Variants in PKP4 observed in about 807,000 individuals in gnomAD.
The protein encoded by PKP4 is plakophilin-4.
In PKP4, 90 loss-of-function variants were observed where a neutral mutation model predicts 145.1. That is an observed-to-expected ratio of 0.62 (90% CI 0.52 to 0.74). The LOEUF (loss-of-function observed/expected upper bound fraction) is 0.74, where lower values mean the gene tolerates loss of function less well. PKP4 is among the 30% of genes least tolerant of loss of function. The pLI, the probability that PKP4 is intolerant of heterozygous loss-of-function variation, is 0.00. For synonymous variants in PKP4, 563 were observed against 577.2 expected, an observed-to-expected ratio of 0.98 and a Z score of 0.35; for missense variants, 1,340 against 1,482.7, an observed-to-expected ratio of 0.90 and a Z score of 1.58.
At chr2:158,525,598 T>G (rs898732355) in intron 1 of PKP4, among the ~76,000 whole-genome samples, 1 of 69,552 alleles carries the variant, frequency 1.4e-5, no homozygotes, top group African/African-American at 6.3e-5. Flanking sequence ...GCAAACACAT[T>G]CAAAAGCTAG....
intron 1 of PKP4, among the ~76,000 whole-genome samples, chr2:158,495,350 TAAAA>T (rs60436493): frequency 7.2e-6 from 1 of 139,496 alleles, no homozygotes; most frequent in African/African-American, 2.6e-5. Context: ...TCTGGAGAGT[TAAAA>T]AAAAAAAAAA....
At chr2:158,597,118 A>G (rs1004421404) in intron 3 of PKP4, among the ~76,000 whole-genome samples, 17 of 152,198 alleles carry the variant, frequency 1.1e-4, no homozygotes, top group Admixed American at 6.5e-5. Flanking sequence ...CTCTTGTAGA[A>G]TGCTCTTCTC....
intron 1 of PKP4, among the ~76,000 whole-genome samples, chr2:158,492,208 G>A (rs753377464): frequency 1.3e-5 from 2 of 151,796 alleles, no homozygotes; most frequent in Non-Finnish European, 2.9e-5. Flanking sequence ...AAATCTAATG[G>A]CCTCAGTTGC....
intron 21 of PKP4, among the ~76,000 whole-genome samples, chr2:158,679,610 G>C (rs772926902): frequency 6.6e-6 from 1 of 152,176 alleles, no homozygotes; most frequent in African/African-American, 2.4e-5. Flanking sequence ...GCATAATCAA[G>C]AACATAGACA....
At chr2:158,623,084 T>C (rs1041010434) in intron 6 of PKP4, among the ~76,000 whole-genome samples, 2 of 152,204 alleles carry the variant, frequency 1.3e-5, no homozygotes, top group Non-Finnish European at 2.9e-5. Flanking sequence ...CTGGACCAAC[T>C]TATCACTTCA....
intron 1 of PKP4, among the ~76,000 whole-genome samples, chr2:158,530,494 CTCTTTCTT>C (rs1388939917): frequency 1.5e-5 from 2 of 129,334 alleles, no homozygotes; most frequent in East Asian, 2.4e-4. Flanking sequence ...GATAGAAGTA[CTCTTTCTT>C]TCTTTTTTTT....
At chr2:158,638,645 G>T (rs2054011095) in intron 9 of PKP4, among the ~76,000 whole-genome samples, 2 of 152,146 alleles carry the variant, frequency 1.3e-5, no homozygotes, top group South Asian at 2.1e-4. Context: ...GGGTGCAGGT[G>T]GGGTGAGGGG....
intron 1 of PKP4, among the ~76,000 whole-genome samples, chr2:158,528,924 C>T (rs1328606014): frequency 1.3e-5 from 2 of 152,184 alleles, no homozygotes; most frequent in African/African-American, 2.4e-5. Context: ...AGACAACATT[C>T]TGAAAACTCC....
intron 9 of PKP4, 77 bp downstream of exon 9, chr2:158,634,366 A>T (rs1270873126): frequency 8.6e-6 from 9 of 1,048,604 alleles, no homozygotes. Flanking sequence ...GACTTTTTTA[A>T]GTTGCTAAGT....
intron 4 of PKP4, among the ~76,000 whole-genome samples, chr2:158,609,430 A>G (rs1172923605): frequency 6.6e-6 from 1 of 152,202 alleles, no homozygotes; most frequent in Non-Finnish European, 1.5e-5. Flanking sequence ...CCTATACAAA[A>G]TTTCACAAAA....
chr2:158,557,327 G>A (rs1350912901), intron 2 of PKP4, among the ~76,000 whole-genome samples: 2 of 152,076 alleles, frequency 1.3e-5, no homozygotes, highest in Admixed American at 6.5e-5. Context: ...AAACACAGGA[G>A]GAAATGTAAG....
intron 1 of PKP4, among the ~76,000 whole-genome samples, chr2:158,506,624 C>G (rs1040385944): frequency 6.6e-6 from 1 of 152,136 alleles, no homozygotes; most frequent in African/African-American, 2.4e-5. Flanking sequence ...AAATACTGTT[C>G]TGTTATTTTT....
At chr2:158,560,111 CCCT>C (rs751438934) in intron 2 of PKP4, among the ~76,000 whole-genome samples, 1 of 152,158 alleles carries the variant, frequency 6.6e-6, no homozygotes, top group Non-Finnish European at 1.5e-5. Context: ...AAGTGATCTG[CCCT>C]CCTCAGCCTC....
intron 2 of PKP4, among the ~76,000 whole-genome samples, chr2:158,538,111 C>T (rs931146562): frequency 5.3e-5 from 8 of 152,288 alleles, no homozygotes; most frequent in Admixed American, 5.2e-4. Flanking sequence ...TTGAAATGCA[C>T]AGCACACCCT....
chr2:158,572,185 G>C (rs1264593569), intron 2 of PKP4, among the ~76,000 whole-genome samples: 1 of 152,126 alleles, frequency 6.6e-6, no homozygotes, highest in African/African-American at 2.4e-5. Flanking sequence ...AAAAAGTTCA[G>C]TAGATGAGAT....
chr2:158,478,363 A>G lies in PKP4; in HGVS notation c.-6+21145A>G, dbSNP rs74426381. Among the ~76,000 whole-genome samples, 880 of 151,890 alleles carry G rather than the reference A, an allele frequency of 5.8e-3. 12 individuals carry two copies. The highest frequency in any genetic ancestry group is 0.02 in the African/African-American group (840 of 41,412). On this transcript the variant is annotated intron_variant, in intron 1 of 21. Transcript: ENST00000389759. ...AAGCAGATGACGTGCTGTGGTTTTG[A>G]TTTTCATAGTAAATCCTTTAGACTA...
chr2:158,615,177 T>G (rs1305838279), intron 4 of PKP4, among the ~76,000 whole-genome samples: 3 of 152,110 alleles, frequency 2.0e-5, no homozygotes, highest in Non-Finnish European at 4.4e-5. Context: ...CTGACAGATA[T>G]TCCCATTTCT....
intron 4 of PKP4, among the ~76,000 whole-genome samples, chr2:158,613,593 C>T (rs2051326811): frequency 6.6e-6 from 1 of 152,154 alleles, no homozygotes; most frequent in South Asian, 2.1e-4. Flanking sequence ...TAAAATTCCA[C>T]CCAATTTTCA....
chr2:158,643,721 AAAAAAAAG>A (rs1377720016), intron 11 of PKP4, among the ~76,000 whole-genome samples: 1,350 of 124,020 alleles, frequency 0.011, 16 homozygotes, highest in Non-Finnish European at 0.018. Context: ...TCAAAAAAAA[AAAAAAAAG>A]AAAAGAAAAC....
Sources: gnomAD v4.1 joint callset for allele counts (sites outside exome capture counted in the v4.1 genomes callset) on GRCh38, gnomAD v4.1.1 for gene constraint, MANE v1.5 for transcripts, NCBI Gene and HGNC (gene_info 2026-07-23, HGNC 2026-07-21) for gene names.